RUNX1: variants seen among roughly 807,000 people sequenced by gnomAD.
The protein encoded by RUNX1 is RUNX family transcription factor 1.
In RUNX1, 19 loss-of-function variants were observed where a neutral mutation model predicts 42.8. The observed-to-expected ratio is 0.44, with a 90% confidence interval of 0.31 to 0.65. RUNX1 has a LOEUF of 0.65. Ranked by LOEUF, RUNX1 falls within the 30% of genes least tolerant of loss-of-function variation. The pLI is 0.07. For missense variants in RUNX1, 528 were observed against 672.0 expected, an observed-to-expected ratio of 0.79 and a Z score of 2.37; for synonymous variants, 271 against 289.4, an observed-to-expected ratio of 0.94 and a Z score of 0.64.
Position 34,792,501 on chromosome 21 carries a change from C to T in RUNX1, c.1077G>A (p.Pro359=), listed in dbSNP as rs2056458690. The change falls in exon 9 of 9, where the codon CCG becomes CCA. Residue 359 remains proline, a synonymous_variant. Coordinates refer to ENST00000675419, the MANE Select transcript of RUNX1 (RefSeq NM_001754.5). The surrounding 1 kb of genome is among the most constrained non-coding windows in gnomAD (Gnocchi z 6.9). ...TGCCGATGCCGATGCCCGAGGTGAC[C>T]GGCGTCGGGGAGTAGGTGAAGGCGC... ...YPGAFTYSPT[P]VTSGIGIGMS... 2.5e-6 allele frequency: 4 copies of T among 1,597,692 alleles called. No homozygotes were observed. The highest frequency in any genetic ancestry group is 3.4e-6 in the Non-Finnish European group (4 of 1,172,226).
chr21:34,919,615 G>A (rs1015361485), intron 2 of RUNX1, among the ~76,000 whole-genome samples: 7 of 151,976 alleles, frequency 4.6e-5, no homozygotes, highest in Admixed American at 6.6e-5. Flanking sequence ...TGACTCTTCC[G>A]GGGAAAAAAT....
chr21:34,890,263 A>C (rs1460983074), intron 3 of RUNX1, among the ~76,000 whole-genome samples: 1 of 151,836 alleles, frequency 6.6e-6, no homozygotes, highest in East Asian at 1.9e-4. Context: ...AGCTCCCGGA[A>C]CGCCCCCGAC....
chr21:34,880,347 A>C lies in RUNX1; in HGVS notation c.508+210T>G, dbSNP rs538650046. On this transcript the variant is annotated intron_variant, in intron 5 of 8. Transcript: ENST00000675419. ...ACGTTGCATGTTCCAAATCAGTCTT[A>C]AATCCACTCAGTAACATAAAGCAAT... Among the ~76,000 whole-genome samples the C allele has an allele frequency of 5.3e-5, 8 of 152,368 alleles. No individual in the cohort carries two copies. The East Asian group carries it at 1.2e-3, about 22-fold the overall frequency.
At chr21:34,846,194 C>CTTCTTTTTTTTTTTTTTTTT (rs1201995651) in intron 6 of RUNX1, among the ~76,000 whole-genome samples, 2 of 102,242 alleles carry the variant, frequency 2.0e-5, no homozygotes, top group Non-Finnish European at 4.0e-5. Context: ...TTAAGGATGT[C>CTTCTTTTTTTTTTTTTTTTT]TTTTTTTTTT....
At chr21:35,017,014 T>C (rs926432262) in intron 2 of RUNX1, among the ~76,000 whole-genome samples, 2 of 133,150 alleles carry the variant, frequency 1.5e-5, no homozygotes, top group Non-Finnish European at 3.2e-5. Context: ...AGGGTTTAAA[T>C]GGAAAAGAGG....
intron 3 of RUNX1, chr21:34,887,849 G>C: frequency 9.4e-7 from 1 of 1,064,970 alleles, no homozygotes; most frequent in Non-Finnish European, 1.1e-6. Flanking sequence ...TGCTGAGCTA[G>C]AAGTACTTGT....
At chr21:34,951,972 C>G (rs1025119282) in intron 2 of RUNX1, among the ~76,000 whole-genome samples, 1 of 152,108 alleles carries the variant, frequency 6.6e-6, no homozygotes, top group African/African-American at 2.4e-5. Context: ...GACTTGGAAC[C>G]AACCCAAATG....
At chr21:34,838,781 G>A (rs1454974287) in intron 6 of RUNX1, among the ~76,000 whole-genome samples, 1 of 152,120 alleles carries the variant, frequency 6.6e-6, no homozygotes, top group Non-Finnish European at 1.5e-5. Flanking sequence ...AGTACTGAAT[G>A]TGACTCTTCC....
Position 34,892,960 on chromosome 21 carries a change from C to G in RUNX1, c.62G>C (p.Cys21Ser). The G allele has an allele frequency of 6.4e-7, 1 of 1,574,056 alleles. No homozygotes were observed. Among genetic ancestry groups the G allele is most frequent in the South Asian group, 1.1e-5 (1 of 89,634 alleles). The stretch of plus-strand genomic sequence containing the variant: ...TCTAGAAGGATTCATTCCAAGTATG[C>G]ATTCTGAAATAACAGAAAGTAGGAA... ...PSYPQCFMRE[C>S]ILGMNPSRDV... Residue 21 changes from cysteine (C) to serine (S), a missense_variant, in exon 3 of 9, where the codon TGC becomes TCC. Transcript: ENST00000675419.
intron 2 of RUNX1, among the ~76,000 whole-genome samples, chr21:34,997,766 G>A (rs2059008021): frequency 6.6e-6 from 1 of 152,216 alleles, no homozygotes; most frequent in Non-Finnish European, 1.5e-5. Context: ...GGAGCTTAGT[G>A]CAGAAGGGGC....
chr21:34,887,257 G>GGGGGGGGGT, intron 3 of RUNX1, 161 bp from the exon 4 acceptor site: 3 of 1,309,542 alleles, frequency 2.3e-6, no homozygotes, highest in South Asian at 3.1e-5. Flanking sequence ...GGGGGCGGGG[G>GGGGGGGGGT]TGGTTAGGGG....
At chr21:34,920,962 G>A (rs1455530638) in intron 2 of RUNX1, among the ~76,000 whole-genome samples, 1 of 152,118 alleles carries the variant, frequency 6.6e-6, no homozygotes, top group Non-Finnish European at 1.5e-5. Context: ...GGGTTCAAGC[G>A]ATTGTCTTGC....
In RUNX1 at chr21:34,792,179, C is replaced by T; in HGVS notation, c.1399G>A (p.Ala467Thr). 2 of 1,531,538 alleles carry T rather than the reference C, an allele frequency of 1.3e-6. No individual in the cohort carries two copies. Among genetic ancestry groups the T allele is most frequent in the Non-Finnish European group, 1.7e-6 (2 of 1,145,942 alleles). 94.9% of individuals were successfully genotyped at this position (1,531,538 alleles called of 1,614,324 possible). A position where few individuals can be genotyped will look rare whatever the true frequency, so the allele number is the denominator to read the frequency against. Reference protein sequence around the residue: ...GSHSNSPTNMAPSARLEEAVW... With the variant: ...GSHSNSPTNMTPSARLEEAVW... ...GCCTCCTCCAGGCGCGCGGAGGGCG[C>T]CATGTTGGTGGGGGAGTTGCTGTGG... is the stretch of plus-strand genomic sequence containing the variant. Residue 467 changes from alanine to threonine, a missense_variant, in exon 9 of 9, where the codon GCG becomes ACG. Coordinates refer to ENST00000675419, the MANE Select transcript of RUNX1 (RefSeq NM_001754.5). This position sits in a 1 kb window ranked among gnomAD's most constrained non-coding sequence, Gnocchi z 6.9.
chr21:34,889,505 G>C (rs2058050900), intron 3 of RUNX1, among the ~76,000 whole-genome samples: 1 of 152,256 alleles, frequency 6.6e-6, no homozygotes, highest in South Asian at 2.1e-4. Context: ...CGCGCGGCTG[G>C]AAGGAAAGTT....
At chr21:35,008,964 C>T (rs180704524) in intron 2 of RUNX1, among the ~76,000 whole-genome samples, 281 of 152,230 alleles carry the variant, frequency 1.8e-3, no homozygotes, top group Middle Eastern at 6.8e-3. Context: ...CGGAGCCCAC[C>T]GACTGTAATG....
intron 5 of RUNX1, among the ~76,000 whole-genome samples, chr21:34,863,939 C>T (rs1240176322): frequency 2.6e-5 from 4 of 152,182 alleles, no homozygotes; most frequent in Non-Finnish European, 4.4e-5. Context: ...GCTTTGGGTA[C>T]AAGGACATTT....
At chr21:34,919,529 T>C (rs2058338002) in intron 2 of RUNX1, among the ~76,000 whole-genome samples, 1 of 152,214 alleles carries the variant, frequency 6.6e-6, no homozygotes, top group East Asian at 1.9e-4. Flanking sequence ...TGCCTTTTGC[T>C]GCAATAAGTC....
intron 2 of RUNX1, among the ~76,000 whole-genome samples, chr21:35,024,601 T>C (rs1278984256): frequency 2.0e-5 from 3 of 152,254 alleles, no homozygotes; most frequent in African/African-American, 7.2e-5. Flanking sequence ...TCTCAGAAAG[T>C]GAGGATCAGT....
chr21:34,797,786 C>A (rs1185502352), intron 8 of RUNX1, among the ~76,000 whole-genome samples: 1 of 152,188 alleles, frequency 6.6e-6, no homozygotes, highest in Non-Finnish European at 1.5e-5. Flanking sequence ...TCCTATTTTA[C>A]TGTACCACCC....
Sources: allele counts gnomAD v4.1 joint callset (sites outside exome capture counted in the v4.1 genomes callset), GRCh38; gene constraint gnomAD v4.1.1; non-coding constraint Gnocchi (gnomAD v3.1); transcripts MANE v1.5; gene names NCBI Gene and HGNC (gene_info 2026-07-23, HGNC 2026-07-21).